HPSE2: variants seen among roughly 807,000 people sequenced by gnomAD.
HPSE2 encodes heparanase 2 (inactive), also known as inactive heparanase-2.
HPSE2 carries 38 observed loss-of-function variants against 60.5 expected under a neutral mutation model. That is an observed-to-expected ratio of 0.63 (90% confidence interval 0.48 to 0.82). The LOEUF (loss-of-function observed/expected upper bound fraction) is 0.82. Among genes scored for constraint, HPSE2 ranks in the 40% least tolerant of loss-of-function variants. The pLI is 0.00. For missense variants in HPSE2, 713 were observed against 740.4 expected, an observed-to-expected ratio of 0.96 and a Z score of 0.43; for synonymous variants, 295 against 293.2, an observed-to-expected ratio of 1.01 and a Z score of -0.06.
intron 4 of HPSE2, among the ~76,000 whole-genome samples, chr10:98,739,669 A>G (rs1949447292): frequency 6.6e-6 from 1 of 152,144 alleles, no homozygotes; most frequent in African/African-American, 2.4e-5. Flanking sequence ...GAGTCATATA[A>G]CTAATTCTTA....
intron 3 of HPSE2, among the ~76,000 whole-genome samples, chr10:98,814,878 A>C (rs1045832402): frequency 1.3e-5 from 2 of 152,236 alleles, no homozygotes; most frequent in Non-Finnish European, 2.9e-5. Flanking sequence ...ATTGTGGCCG[A>C]TTAATTTAAA....
At chr10:99,042,654 G>A (rs773762285) in intron 3 of HPSE2, among the ~76,000 whole-genome samples, 13 of 135,270 alleles carry the variant, frequency 9.6e-5, no homozygotes, top group Admixed American at 1.5e-4. Context: ...TGCCTCCCTC[G>A]GAAGGGCCCA....
chr10:98,810,184 T>A (rs1013336647), intron 3 of HPSE2, among the ~76,000 whole-genome samples: 1 of 152,108 alleles, frequency 6.6e-6, no homozygotes, highest in Non-Finnish European at 1.5e-5. Flanking sequence ...TCAGGTGTCT[T>A]CCTCTATTAT....
At chr10:99,051,837 T>G (rs1957998123) in intron 3 of HPSE2, among the ~76,000 whole-genome samples, 1 of 151,954 alleles carries the variant, frequency 6.6e-6, no homozygotes, top group Non-Finnish European at 1.5e-5. Context: ...GGACTATAGA[T>G]TCACACTAAG....
chr10:99,109,060 G>T (rs867937616), intron 3 of HPSE2, among the ~76,000 whole-genome samples: 1 of 152,172 alleles, frequency 6.6e-6, no homozygotes, highest in Non-Finnish European at 1.5e-5. Context: ...CAACCATTTT[G>T]TGAGTGACAA....
At chr10:98,906,153 G>A (rs951055414) in intron 3 of HPSE2, among the ~76,000 whole-genome samples, 1 of 152,160 alleles carries the variant, frequency 6.6e-6, no homozygotes, top group Non-Finnish European at 1.5e-5. Flanking sequence ...TCCTTGTTTA[G>A]GAGGCATCAC....
At chr10:98,807,571 A>T (rs1951071603) in intron 3 of HPSE2, among the ~76,000 whole-genome samples, 1 of 152,210 alleles carries the variant, frequency 6.6e-6, no homozygotes, top group Admixed American at 6.5e-5. Flanking sequence ...CCCACCATTC[A>T]TAGGTATGAC....
At chr10:99,216,730 T>G (rs1849143153) in intron 2 of HPSE2, among the ~76,000 whole-genome samples, 1 of 152,208 alleles carries the variant, frequency 6.6e-6, no homozygotes, top group Admixed American at 6.5e-5. Context: ...TTGTATCCTA[T>G]AAGGACAGCA....
chr10:99,305,880 T>C, the HPSE2 span, among the ~76,000 whole-genome samples: 5 of 151,946 alleles, frequency 3.3e-5, no homozygotes, highest in Middle Eastern at 3.4e-3. Flanking sequence ...TCAATGGATG[T>C]GTGTAAAAAT....
At chr10:99,076,710 T>C (rs1326277975) in intron 3 of HPSE2, among the ~76,000 whole-genome samples, 1 of 152,234 alleles carries the variant, frequency 6.6e-6, no homozygotes, top group African/African-American at 2.4e-5. Flanking sequence ...CTTTTGTCTT[T>C]TAGCTTTTAC....
At chr10:99,281,551 T>C in the HPSE2 span, among the ~76,000 whole-genome samples, 1 of 152,082 alleles carries the variant, frequency 6.6e-6, no homozygotes, top group African/African-American at 2.4e-5. Context: ...AACTTACTGC[T>C]CTCGTAATAG....
At chr10:99,090,368 G>T (rs889631575) in intron 3 of HPSE2, among the ~76,000 whole-genome samples, 1 of 151,982 alleles carries the variant, frequency 6.6e-6, no homozygotes, top group African/African-American at 2.4e-5. Context: ...CTAGTACATA[G>T]TCCATCCCCA....
chr10:98,479,139 C>G (rs771988629), intron 11 of HPSE2, among the ~76,000 whole-genome samples: 1 of 152,300 alleles, frequency 6.6e-6, no homozygotes, highest in South Asian at 2.1e-4. Flanking sequence ...CCCATGTCCT[C>G]GAGCAATCAA....
intron 3 of HPSE2, among the ~76,000 whole-genome samples, chr10:99,059,203 T>C (rs1958180281): frequency 6.6e-6 from 1 of 152,204 alleles, no homozygotes; most frequent in Admixed American, 6.5e-5. Flanking sequence ...CCTTGTAACA[T>C]ACCAGTAAAG....
chr10:98,513,047 T>C (rs1942472769), intron 9 of HPSE2, among the ~76,000 whole-genome samples: 1 of 152,226 alleles, frequency 6.6e-6, no homozygotes, highest in Admixed American at 6.5e-5. Context: ...CATATGTGTC[T>C]TTCCTTCTAG....
intron 3 of HPSE2, among the ~76,000 whole-genome samples, chr10:99,053,719 CTTTTTT>C (rs11301458): frequency 1.7e-5 from 1 of 57,808 alleles, no homozygotes; most frequent in Admixed American, 2.8e-4. Flanking sequence ...GAGTTACAGT[CTTTTTT>C]TTTTTTTTTT....
chr10:99,104,205 G>A (rs1453439489), intron 3 of HPSE2, among the ~76,000 whole-genome samples: 1 of 152,130 alleles, frequency 6.6e-6, no homozygotes, highest in Non-Finnish European at 1.5e-5. Context: ...GCAACCTACA[G>A]AATGGGAGAA....
chr10:98,725,101 C>G (rs1215662723), intron 4 of HPSE2, among the ~76,000 whole-genome samples: 1 of 152,178 alleles, frequency 6.6e-6, no homozygotes, highest in East Asian at 1.9e-4. Context: ...CCCCATCAAG[C>G]TACCAATGAC....
At chr10:98,565,928 T>C (rs575392550) in intron 9 of HPSE2, among the ~76,000 whole-genome samples, 1 of 152,106 alleles carries the variant, frequency 6.6e-6, no homozygotes, top group South Asian at 2.1e-4. Context: ...AGAGAGCATA[T>C]CAGCCAAGGC....
Sources: allele counts gnomAD v4.1 joint callset (sites outside exome capture counted in the v4.1 genomes callset), GRCh38; gene constraint gnomAD v4.1.1; transcripts MANE v1.5; gene names NCBI Gene and HGNC (gene_info 2026-07-23, HGNC 2026-07-21).